The following PRIM2 variants were observed in gnomAD, a reference collection of about 807,000 sequenced individuals.
PRIM2 encodes DNA primase large subunit.
PRIM2 carries 39 observed loss-of-function variants against 67.3 expected under a neutral mutation model. The ratio of observed to expected loss-of-function variants is 0.58; its 90% CI spans 0.45 to 0.76. PRIM2 has a LOEUF of 0.76. PRIM2 is among the 30% of genes least tolerant of loss of function. The probability of loss-of-function intolerance (pLI) is 0.00; values close to 1 mark genes in which losing one functional copy is unlikely to be tolerated. For synonymous variants in PRIM2, 143 were observed against 198.7 expected, an observed-to-expected ratio of 0.72 and a Z score of 2.36; for missense variants, 398 against 598.7, an observed-to-expected ratio of 0.66 and a Z score of 3.50.
upstream of PRIM2, among the ~76,000 whole-genome samples, chr6:57,315,278 G>C (rs1271825363): frequency 6.6e-6 from 1 of 152,196 alleles, no homozygotes; most frequent in African/African-American, 2.4e-5. Context: ...AAATAGTATA[G>C]ATGTGTGTGT....
At chr6:57,444,440 G>T (rs113618226) in intron 7 of PRIM2, among the ~76,000 whole-genome samples, 1 of 151,890 alleles carries the variant, frequency 6.6e-6, no homozygotes, top group African/African-American at 2.4e-5. Flanking sequence ...AGTGGCGCAC[G>T]CCTGTAATCC....
chr6:57,603,728 G>C (rs1310439513), intron 11 of PRIM2, among the ~76,000 whole-genome samples: 1 of 151,382 alleles, frequency 6.6e-6, no homozygotes, highest in Non-Finnish European at 1.5e-5. Flanking sequence ...AAATGACATT[G>C]GTAGTTTGAT....
Position 57,446,418 on chromosome 6 carries a change from C to CTTTTTTTTTTTTTTTTTTTTTTTTTTT in PRIM2, c.694-60954_694-60953insTTTTTTTTTTTTTTTTTTTTTTTTTTT, listed in dbSNP as rs397958660. Among the ~76,000 whole-genome samples, 23 of 83,816 alleles carry CTTTTTTTTTTTTTTTTTTTTTTTTTTT rather than the reference C, an allele frequency of 2.7e-4. 5 individuals carry two copies. Among genetic ancestry groups the CTTTTTTTTTTTTTTTTTTTTTTTTTTT allele is most frequent in the African/African-American group, 7.8e-4 (16 of 20,604 alleles). The allele number at this position is 83,816 out of a possible 152,430, so 55.0% of individuals were successfully genotyped here. On this transcript the variant is annotated intron_variant, in intron 7 of 13. Coordinates refer to ENST00000615550, the MANE Select transcript of PRIM2 (RefSeq NM_000947.5). ...GGCATAGGCCTGGCACACGCCACTT[C>CTTTTTTTTTTTTTTTTTTTTTTTTTTT]TTTTTTTTTTTTTTTGAGACAGTCT...
the PRIM2 span, among the ~76,000 whole-genome samples, chr6:57,244,551 G>A: frequency 2.0e-5 from 3 of 152,022 alleles, no homozygotes; most frequent in Non-Finnish European, 4.4e-5. Context: ...ACCTGAAGTC[G>A]GGAGTTCGAG....
At chr6:57,454,248 C>CT (rs373433005) in intron 7 of PRIM2, among the ~76,000 whole-genome samples, 3 of 152,168 alleles carry the variant, frequency 2.0e-5, no homozygotes, top group Non-Finnish European at 2.9e-5. Context: ...CTAAAATTCT[C>CT]TTTTTTTGTT....
At chr6:57,262,390 C>G in the PRIM2 span, among the ~76,000 whole-genome samples, 1 of 152,144 alleles carries the variant, frequency 6.6e-6, no homozygotes, top group African/African-American at 2.4e-5. Flanking sequence ...AAATGAACCC[C>G]CTTCAAAGTA....
At chr6:57,251,174 C>T in the PRIM2 span, among the ~76,000 whole-genome samples, 1 of 152,126 alleles carries the variant, frequency 6.6e-6, no homozygotes, top group Non-Finnish European at 1.5e-5. Context: ...GAGTTATCTG[C>T]CTCCATTTCG....
chr6:57,456,494 C>CT (rs1332637838), intron 7 of PRIM2, among the ~76,000 whole-genome samples: 2 of 152,198 alleles, frequency 1.3e-5, no homozygotes, highest in East Asian at 3.9e-4. Context: ...TCTTTTTATT[C>CT]TTTTTTCTCT....
intron 7 of PRIM2, among the ~76,000 whole-genome samples, chr6:57,496,525 A>T (rs1367843557): frequency 2.0e-5 from 3 of 152,206 alleles, no homozygotes; most frequent in Non-Finnish European, 2.9e-5. Context: ...GTATTTAGGA[A>T]TTTCTATGAG....
chr6:57,519,435 G>A (rs1349740976), intron 8 of PRIM2, among the ~76,000 whole-genome samples: 1 of 152,192 alleles, frequency 6.6e-6, no homozygotes, highest in Admixed American at 6.5e-5. Flanking sequence ...CCGCAGGCAC[G>A]CATTCTCTTT....
At chr6:57,362,277 T>C (rs1051853910) in intron 5 of PRIM2, among the ~76,000 whole-genome samples, 2 of 152,216 alleles carry the variant, frequency 1.3e-5, no homozygotes, top group Non-Finnish European at 2.9e-5. Flanking sequence ...ATAAATTTAG[T>C]AACACCTGAC....
chr6:57,510,601 C>T (rs1774344159), intron 8 of PRIM2, among the ~76,000 whole-genome samples: 1 of 152,110 alleles, frequency 6.6e-6, no homozygotes, highest in African/African-American at 2.4e-5. Context: ...GCAACCAGGA[C>T]TAGATGCTAC....
chr6:57,472,383 T>C (rs1425518535), intron 7 of PRIM2, among the ~76,000 whole-genome samples: 3 of 144,052 alleles, frequency 2.1e-5, no homozygotes, highest in South Asian at 4.4e-4. Flanking sequence ...TGAACTGAGA[T>C]TGCGTGTGTC....
Position 57,620,975 on chromosome 6 carries a change from G to T in PRIM2, c.1231-11158G>T, listed in dbSNP as rs1372946229. Reference sequence around the variant, plus strand: ...AAACTTTAAAGCAACAGCATTACAGGCAGGAGCTGCCATGCCAGGCATTTT... The same window carrying T: ...AAACTTTAAAGCAACAGCATTACAGTCAGGAGCTGCCATGCCAGGCATTTT... On this transcript the variant is annotated intron_variant, in intron 12 of 13. Coordinates refer to ENST00000615550, the MANE Select transcript of PRIM2 (RefSeq NM_000947.5). Among the ~76,000 whole-genome samples the T allele has an allele frequency of 5.3e-5, 8 of 152,376 alleles. 1 individual carries two copies. The East Asian group carries it at 5.8e-4, about 11-fold the overall frequency.
chr6:57,429,557 C>A (rs1472926973), intron 7 of PRIM2, among the ~76,000 whole-genome samples: 1 of 152,152 alleles, frequency 6.6e-6, no homozygotes, highest in Non-Finnish European at 1.5e-5. Flanking sequence ...GGCCCCCCAA[C>A]ATTTATATGT....
At position 57,422,546 on chromosome 6, in the gene PRIM2, C is replaced by T. The variant is rs552277145; in HGVS notation, c.693+40378C>T. Among the ~76,000 whole-genome samples, 52 of 152,232 alleles carry T rather than the reference C, an allele frequency of 3.4e-4. No individual in the cohort carries two copies. In the South Asian group the frequency reaches 0.011, roughly 32 times the overall value. Reference sequence around the variant, plus strand: ...GAATATGATGACCTGAGTATTATTACATATCACAGAACTTTAATGTAAAGA... The same window carrying T: ...GAATATGATGACCTGAGTATTATTATATATCACAGAACTTTAATGTAAAGA... On this transcript the variant is annotated intron_variant, in intron 7 of 13. Coordinates refer to ENST00000615550, the MANE Select transcript of PRIM2 (RefSeq NM_000947.5).
rs1241870319 is a variant in PRIM2, at chr6:57,456,615, G to T, written c.694-50772G>T. Among the ~76,000 whole-genome samples the T allele has an allele frequency of 2.2e-3, 342 of 152,058 alleles. 2 individuals are homozygous for T. Among genetic ancestry groups the T allele is most frequent in the Middle Eastern group, 0.014 (4 of 294 alleles). On this transcript the variant is annotated intron_variant, in intron 7 of 13. Coordinates refer to ENST00000615550, the MANE Select transcript of PRIM2 (RefSeq NM_000947.5). ...CTTGTGCATTCGTCACGTAGTTCTC[G>T]TGCCTTGGTTTTCACCTCCATTAGG... is the stretch of plus-strand genomic sequence containing the variant.
intron 12 of PRIM2, among the ~76,000 whole-genome samples, chr6:57,626,119 T>TAC (rs1291145916): frequency 5.5e-4 from 84 of 152,330 alleles, no homozygotes; most frequent in African/African-American, 1.9e-3. Flanking sequence ...AATTGGTGAG[T>TAC]ACAGCATACC....
intron 7 of PRIM2, among the ~76,000 whole-genome samples, chr6:57,458,269 C>A (rs1772876505): frequency 1.3e-5 from 2 of 152,296 alleles, no homozygotes; most frequent in African/African-American, 4.8e-5. Context: ...ATGTGTACAG[C>A]TTTCAATCAA....
Sources: allele counts gnomAD v4.1 joint callset (sites outside exome capture counted in the v4.1 genomes callset), GRCh38; gene constraint gnomAD v4.1.1; transcripts MANE v1.5; gene names NCBI Gene and HGNC (gene_info 2026-07-23, HGNC 2026-07-21).